The following GABRB3 variants were observed in gnomAD, a reference collection of about 807,000 sequenced individuals.
GABRB3 encodes gamma-aminobutyric acid type A receptor subunit beta3.
A neutral mutation model predicts 52.1 loss-of-function variants in GABRB3; 14 were observed. The observed-to-expected ratio is 0.27, with a 90% confidence interval of 0.18 to 0.42. The LOEUF is 0.42. Ranked by LOEUF, GABRB3 falls within the 10% of genes least tolerant of loss-of-function variation. The pLI, the probability that GABRB3 is intolerant of heterozygous loss-of-function variation, is 1.00. For synonymous variants in GABRB3, 260 were observed against 232.3 expected, an observed-to-expected ratio of 1.12 and a Z score of -1.08; for missense variants, 307 against 609.1, an observed-to-expected ratio of 0.50 and a Z score of 5.22.
At chr15:26,763,757 T>C (rs1338843370) in intron 3 of GABRB3, among the ~76,000 whole-genome samples, 1 of 152,092 alleles carries the variant, frequency 6.6e-6, no homozygotes, top group Non-Finnish European at 1.5e-5. Flanking sequence ...TTGAGCTAAC[T>C]GACAAATATT....
At chr15:26,644,772 C>G (rs1595505542) in intron 3 of GABRB3, among the ~76,000 whole-genome samples, 1 of 152,122 alleles carries the variant, frequency 6.6e-6, no homozygotes. Flanking sequence ...AACAACAGGG[C>G]CTTCCTGATG....
intron 3 of GABRB3, among the ~76,000 whole-genome samples, chr15:26,625,758 G>A (rs1892666961): frequency 6.6e-6 from 1 of 152,160 alleles, no homozygotes; most frequent in Admixed American, 6.5e-5. Flanking sequence ...TCTGCGGCAG[G>A]GTGGATCCCT....
intron 4 of GABRB3, among the ~76,000 whole-genome samples, chr15:26,618,990 A>G (rs1395388406): frequency 2.8e-5 from 4 of 143,782 alleles, no homozygotes; most frequent in Non-Finnish European, 4.6e-5. Flanking sequence ...ACCAGTTAGA[A>G]TGGCAATCAT....
intron 8 of GABRB3, among the ~76,000 whole-genome samples, chr15:26,550,497 C>A (rs1469562391): frequency 6.6e-6 from 1 of 152,196 alleles, no homozygotes; most frequent in African/African-American, 2.4e-5. Context: ...ATAACAGGTG[C>A]TGGCAAGACA....
chr15:26,693,650 C>T (rs190409908), intron 3 of GABRB3, among the ~76,000 whole-genome samples: 4 of 152,236 alleles, frequency 2.6e-5, no homozygotes, highest in African/African-American at 9.6e-5. Context: ...TTATTAGATC[C>T]ATCCAAAAAC....
intron 3 of GABRB3, among the ~76,000 whole-genome samples, chr15:26,630,163 G>A (rs2140557632): frequency 6.6e-6 from 1 of 152,264 alleles, no homozygotes; most frequent in Admixed American, 6.5e-5. Context: ...CGGAGGTGAG[G>A]CTCTTTCCTC....
chr15:26,605,299 G>A (rs978066389), intron 4 of GABRB3, among the ~76,000 whole-genome samples: 3 of 152,220 alleles, frequency 2.0e-5, no homozygotes, highest in East Asian at 1.9e-4. Context: ...AGGGAACCTC[G>A]AATACTATTG....
rs1889179622 is a variant in GABRB3 at position 26,545,134 on chromosome 15, A to T, written c.*2659T>A. ...TTTTCTTCTGAAATGGAGTAAAGCA[A>T]ACACATACCCAAGGATCTTAAAAAG... On this transcript the variant is annotated 3_prime_UTR_variant, in exon 9 of 9. Transcript: ENST00000311550. 1 of 152,612 alleles carries T rather than the reference A, an allele frequency of 6.6e-6. No individual in the cohort carries two copies. Among genetic ancestry groups the T allele is most frequent in the Non-Finnish European group, 1.5e-5 (1 of 68,034 alleles). The allele number at this position is 152,612 out of a possible 1,614,324, so 9.5% of individuals were successfully genotyped here. A position where few individuals can be genotyped will look rare whatever the true frequency, so the allele number is the denominator to read the frequency against.
intron 3 of GABRB3, among the ~76,000 whole-genome samples, chr15:26,684,019 CAGA>C (rs1240515749): frequency 2.5e-5 from 3 of 119,128 alleles, no homozygotes; most frequent in Non-Finnish European, 5.4e-5. Context: ...GGAAAAACCA[CAGA>C]AGAAGTTTTG....
intron 4 of GABRB3, among the ~76,000 whole-genome samples, chr15:26,597,896 G>C (rs1891454542): frequency 6.6e-6 from 1 of 152,174 alleles, no homozygotes; most frequent in South Asian, 2.1e-4. Context: ...TACTGGGTAG[G>C]GGTAGGGAAA....
At chr15:26,709,030 T>C (rs534657037) in intron 3 of GABRB3, among the ~76,000 whole-genome samples, 1 of 152,384 alleles carries the variant, frequency 6.6e-6, no homozygotes, top group African/African-American at 2.4e-5. Context: ...TAAAAGATCA[T>C]ATGGATATAT....
At chr15:26,558,883 A>C (rs1295582799) in intron 8 of GABRB3, among the ~76,000 whole-genome samples, 1 of 152,110 alleles carries the variant, frequency 6.6e-6, no homozygotes, top group Non-Finnish European at 1.5e-5. Context: ...AGACTGGGTA[A>C]TTTATAAAGA....
At chr15:26,585,748 TTC>T (rs1890958447) in intron 4 of GABRB3, among the ~76,000 whole-genome samples, 1 of 152,198 alleles carries the variant, frequency 6.6e-6, no homozygotes, top group African/African-American at 2.4e-5. Context: ...GTGCATTACA[TTC>T]TGTGATCCCA....
intron 4 of GABRB3, among the ~76,000 whole-genome samples, chr15:26,586,051 T>C (rs1263634136): frequency 2.0e-5 from 3 of 152,174 alleles, no homozygotes; most frequent in Admixed American, 1.3e-4. Flanking sequence ...CAGGCTTGAG[T>C]GCAGTGGCGC....
At chr15:26,720,780 C>T (rs1417946054) in intron 3 of GABRB3, among the ~76,000 whole-genome samples, 1 of 152,138 alleles carries the variant, frequency 6.6e-6, no homozygotes, top group Non-Finnish European at 1.5e-5. Context: ...AACCCGGAAT[C>T]GAGGTTGAAG....
intron 3 of GABRB3, among the ~76,000 whole-genome samples, chr15:26,696,086 T>C (rs1458624614): frequency 6.6e-6 from 1 of 152,228 alleles, no homozygotes; most frequent in African/African-American, 2.4e-5. Context: ...CTCTCTAAGA[T>C]GGAAATTTTA....
intron 3 of GABRB3, among the ~76,000 whole-genome samples, chr15:26,638,761 C>G (rs1365176167): frequency 1.3e-5 from 2 of 152,130 alleles, no homozygotes; most frequent in Non-Finnish European, 2.9e-5. Context: ...GACATTAATA[C>G]ATATTCTGGT....
chr15:26,569,825 C>T (rs1890328094), intron 6 of GABRB3, among the ~76,000 whole-genome samples: 1 of 152,160 alleles, frequency 6.6e-6, no homozygotes, highest in Non-Finnish European at 1.5e-5. Flanking sequence ...TTTGCTAAAT[C>T]CCTTGGGAAA....
chr15:26,747,447 A>G (rs1890378040), intron 3 of GABRB3, among the ~76,000 whole-genome samples: 1 of 152,214 alleles, frequency 6.6e-6, no homozygotes, highest in African/African-American at 2.4e-5. Flanking sequence ...TGTTTTATTA[A>G]GTTTATACCT....
Sources: gnomAD v4.1 joint callset for allele counts (sites outside exome capture counted in the v4.1 genomes callset) on GRCh38, gnomAD v4.1.1 for gene constraint, MANE v1.5 for transcripts, NCBI Gene and HGNC (gene_info 2026-07-23, HGNC 2026-07-21) for gene names.